Variants in CAP1 observed in about 807,000 individuals in gnomAD.
CAP1 encodes the protein cyclase associated actin cytoskeleton regulatory protein 1.
CAP1 carries 11 observed loss-of-function variants against 58.2 expected under a neutral mutation model. The ratio of observed to expected loss-of-function variants is 0.19; its 90% CI spans 0.12 to 0.31. CAP1 has a LOEUF of 0.31. Among genes scored for constraint, CAP1 ranks in the 10% least tolerant of loss-of-function variants. CAP1 has a pLI of 1.00. For missense variants in CAP1, 423 were observed against 587.5 expected (o/e 0.72, Z 2.89); for synonymous variants, 183 against 213.8 (o/e 0.86, Z 1.26).
chr1:40,057,551 C>T (rs868442207), intron 1 of CAP1: 1 of 152,234 alleles, frequency 6.6e-6, no homozygotes, highest in African/African-American at 2.4e-5. Context: ...AAACAACACT[C>T]TCTGACAAGT....
chr1:40,063,050 G>A (rs1646924095), intron 4 of CAP1, among the ~76,000 whole-genome samples: 1 of 151,924 alleles, frequency 6.6e-6, no homozygotes, highest in Non-Finnish European at 1.5e-5. Context: ...CAGACTGGAG[G>A]GTAGTGGTGC....
intron 1 of CAP1, chr1:40,041,452 C>G (rs1348721193): frequency 6.6e-6 from 1 of 152,182 alleles, no homozygotes; most frequent in Non-Finnish European, 1.5e-5. Flanking sequence ...CTTTCCTCCT[C>G]GGCTGCTGCT....
At chr1:40,057,992 G>A (rs755722841) in intron 1 of CAP1, among the ~76,000 whole-genome samples, 2 of 152,188 alleles carry the variant, frequency 1.3e-5, no homozygotes, top group Admixed American at 6.5e-5. Context: ...AATGCTATTT[G>A]TGAGGTTTAT....
At chr1:40,050,871 C>T (rs1053930091) in intron 1 of CAP1, among the ~76,000 whole-genome samples, 3 of 152,142 alleles carry the variant, frequency 2.0e-5, no homozygotes, top group Admixed American at 6.5e-5. Flanking sequence ...TTGATCACAA[C>T]GTCAAATTTA....
intron 3 of CAP1, 45 bp downstream of exon 3, chr1:40,060,215 C>T: frequency 1.4e-6 from 2 of 1,453,542 alleles, no homozygotes; most frequent in Non-Finnish European, 1.9e-6. Context: ...GGACTAACAG[C>T]TTTCTTCAGT....
Position 40,069,855 on chromosome 1 carries a change from A to T in CAP1, c.974A>T (p.Glu325Val), listed in dbSNP as rs1647504390. The T allele has an allele frequency of 1.5e-5, 23 of 1,575,262 alleles. No homozygotes were observed. Among genetic ancestry groups the T allele is most frequent in the Non-Finnish European group, 1.9e-5 (22 of 1,164,246 alleles). Residue 325 changes from glutamate (E) to valine (V), a missense_variant, in exon 9 of 13, where the codon GAG becomes GTG. Physicochemically the swap from Glu to Val is moderately radical, Grantham distance 121. Coordinates refer to ENST00000372805, the MANE Select transcript of CAP1 (RefSeq NM_006367.4). The part of the protein sequence containing the change: ...TKKEPAVLEL[E>V]GKKWRVENQE... ...AAGGAGCCAGCTGTACTTGAACTGG[A>T]GGGCAAGAAGTGGAGAGTGGTGAGT... is the stretch of plus-strand genomic sequence containing the variant.
intron 1 of CAP1, among the ~76,000 whole-genome samples, chr1:40,043,679 C>G (rs909677028): frequency 2.0e-5 from 3 of 151,996 alleles, no homozygotes; most frequent in African/African-American, 7.2e-5. Context: ...GAGTTCAAGA[C>G]CATCCTAGCC....
intron 1 of CAP1, among the ~76,000 whole-genome samples, chr1:40,050,669 A>G (rs1646321412): frequency 2.6e-5 from 4 of 151,996 alleles, no homozygotes; most frequent in Admixed American, 2.6e-4. Context: ...AAAAAATTAC[A>G]GTAATAATAA....
intron 9 of CAP1, 59 bp from the exon 10 acceptor site, chr1:40,070,100 G>A: frequency 1.9e-6 from 3 of 1,608,350 alleles, no homozygotes; most frequent in Non-Finnish European, 2.5e-6. Flanking sequence ...GGGATAGCCT[G>A]GTTATTTTTT....
In CAP1 at chr1:40,070,855, C is replaced by G. The variant is rs1647814660; in HGVS notation, c.1220C>G (p.Thr407Ser). 1 of 1,612,614 alleles carries G rather than the reference C, an allele frequency of 6.2e-7. No homozygotes were observed. Among genetic ancestry groups the G allele is most frequent in the East Asian group, 2.2e-5 (1 of 44,888 alleles). Reference sequence around the variant, plus strand: ...CTGCAGGTAATGGGTAAAGTGCCAACCATATCCATCAACAAAACAGATGGC... The same window carrying G: ...CTGCAGGTAATGGGTAAAGTGCCAAGCATATCCATCAACAAAACAGATGGC... ...VKVQVMGKVP[T>S]ISINKTDGCH... The change falls in exon 12 of 13, where the codon ACC becomes AGC. Residue 407 changes from threonine to serine, a missense_variant. Coordinates refer to ENST00000372805, the MANE Select transcript of CAP1 (RefSeq NM_006367.4).
At chr1:40,069,202 TAAC>T (rs937709860) in intron 8 of CAP1, among the ~76,000 whole-genome samples, 5 of 152,316 alleles carry the variant, frequency 3.3e-5, no homozygotes, top group Admixed American at 2.6e-4. Context: ...CTAAATTTGT[TAAC>T]AATCTGTATG....
intron 4 of CAP1, among the ~76,000 whole-genome samples, chr1:40,064,026 G>C: frequency 6.6e-6 from 1 of 152,226 alleles, no homozygotes; most frequent in South Asian, 2.1e-4. Flanking sequence ...AGAACCATCA[G>C]GTGCAGCCTG....
Position 40,046,283 on chromosome 1 carries a change from C to T in CAP1, c.-11+5482C>T, listed in dbSNP as rs1646097720. 1.3e-5 allele frequency among the ~76,000 whole-genome samples: 2 copies of T among 152,034 alleles called. 1 individual carries two copies. Among genetic ancestry groups the T allele is most frequent in the Non-Finnish European group, 2.9e-5 (2 of 68,010 alleles). On this transcript the variant is annotated intron_variant, in intron 1 of 12. Transcript: ENST00000372805. ...CCAGCCTGGCCAACATGGTAAAACCCCGTCCCTACTAAAATTACAAAAATT... is the reference window on the plus strand; with the variant it reads ...CCAGCCTGGCCAACATGGTAAAACCTCGTCCCTACTAAAATTACAAAAATT...
chr1:40,046,135 A>G (rs1570339819), intron 1 of CAP1, among the ~76,000 whole-genome samples: 1 of 152,194 alleles, frequency 6.6e-6, no homozygotes, highest in Admixed American at 6.5e-5. Context: ...GCTTGGTTTT[A>G]GTGGACAGGG....
In CAP1 at chr1:40,069,786, C is replaced by T. The variant is rs201677980; in HGVS notation, c.905C>T (p.Ala302Val). The change falls in exon 9 of 13, where the codon GCA becomes GTA. Residue 302 changes from alanine (A) to valine (V), a missense_variant. Transcript: ENST00000372805. ...PVRSGPKPFS[A>V]PKPQTSPSPK... ...CGCAGTGGCCCCAAACCATTCTCTG[C>T]ACCTAAACCCCAAACCAGCCCATCC... is the stretch of plus-strand genomic sequence containing the variant. 667 of 1,612,322 alleles carry T rather than the reference C, an allele frequency of 4.1e-4. 1 individual carries two copies. The Middle Eastern group carries it at 6.9e-3, about 17-fold the overall frequency.
At chr1:40,053,647 A>G (rs58716156) in intron 1 of CAP1, among the ~76,000 whole-genome samples, 21,534 of 152,006 alleles carry the variant, frequency 0.14, 1,821 homozygotes, top group African/African-American at 0.24. Flanking sequence ...GGGTTTCTCC[A>G]TGTTGGTCAG....
rs1646783536 is a variant in CAP1 at position 40,060,086 on chromosome 1, G to A, written c.132G>A (p.Val44=). Residue 44 remains valine (V), a synonymous_variant, in exon 3 of 13, where the codon GTG becomes GTA. Transcript: ENST00000372805. ...SPSKAGAAPY[V]QAFDSLLAGP... ...CTTTAGCAGGAGCAGCTCCATATGT[G>A]CAGGCATTTGACTCGCTGCTTGCTG... The A allele has an allele frequency of 6.2e-7, 1 of 1,613,368 alleles. No individual in the cohort carries two copies. The highest frequency in any genetic ancestry group is 1.3e-5 in the African/African-American group (1 of 74,922).
chr1:40,058,774 G>A (rs1395469932), intron 1 of CAP1, among the ~76,000 whole-genome samples: 1 of 152,008 alleles, frequency 6.6e-6, no homozygotes, highest in African/African-American at 2.4e-5. Context: ...TCTTGGTTTG[G>A]GATATTTCAC....
chr1:40,048,740 A>C (rs1409114148), intron 1 of CAP1, among the ~76,000 whole-genome samples: 1 of 152,220 alleles, frequency 6.6e-6, no homozygotes, highest in Admixed American at 6.5e-5. Flanking sequence ...AGATATAGAT[A>C]GATCAATAGA....
Sources: allele counts gnomAD v4.1 joint callset (sites outside exome capture counted in the v4.1 genomes callset), GRCh38; gene constraint gnomAD v4.1.1; transcripts MANE v1.5; gene names NCBI Gene and HGNC (gene_info 2026-07-23, HGNC 2026-07-21).